The following RORB variants were observed in gnomAD, a reference collection of about 807,000 sequenced individuals.
RORB encodes nuclear receptor ROR-beta.
A neutral mutation model predicts 59.1 loss-of-function variants in RORB; 6 were observed. The observed-to-expected ratio is 0.10, with a 90% CI of 0.06 to 0.20. RORB has a LOEUF of 0.20. Ranked by LOEUF, RORB falls within the 10% of genes least tolerant of loss-of-function variation. The probability of loss-of-function intolerance (pLI) is 1.00; values close to 1 mark genes in which losing one functional copy is unlikely to be tolerated. For synonymous variants in RORB, 215 were observed against 204.5 expected, an observed-to-expected ratio of 1.05 and a Z score of -0.44; for missense variants, 320 against 560.5, an observed-to-expected ratio of 0.57 and a Z score of 4.33.
chr9:74,607,958 C>A (rs939069691), intron 1 of RORB, among the ~76,000 whole-genome samples: 1 of 152,082 alleles, frequency 6.6e-6, no homozygotes, highest in African/African-American at 2.4e-5. Context: ...CAGGAGAATG[C>A]GACAGGGGTA....
At chr9:74,567,540 G>C (rs576386465) in intron 1 of RORB, among the ~76,000 whole-genome samples, 1 of 152,256 alleles carries the variant, frequency 6.6e-6, no homozygotes, top group South Asian at 2.1e-4. Flanking sequence ...CAATGTCACA[G>C]CTCTCAGAAA....
rs1218379241 is a variant in RORB at position 74,498,218 on chromosome 9, G to C, written c.7+235G>C. ...GCGGGAGGGCGCTTTTTTGGAGAGGGGAGACAGGCTAGTTGGTTCTTACCA... is the reference window on the plus strand; with the variant it reads ...GCGGGAGGGCGCTTTTTTGGAGAGGCGAGACAGGCTAGTTGGTTCTTACCA... On this transcript the variant is annotated intron_variant, in intron 1 of 9. Transcript: ENST00000376896. 9 of 597,890 alleles carry C rather than the reference G, an allele frequency of 1.5e-5. No individual in the cohort carries two copies. The East Asian group carries it at 2.2e-4, about 15-fold the overall frequency. 37.0% of individuals were successfully genotyped at this position (597,890 alleles called of 1,614,324 possible).
rs1257016115 is a variant in RORB at position 74,687,279 on chromosome 9, G to C, written c.*1661G>C. On this transcript the variant is annotated 3_prime_UTR_variant, in exon 10 of 10. Coordinates refer to ENST00000376896, the MANE Select transcript of RORB (RefSeq NM_006914.4). ...CCCAGCCACCAACTCCTAAAGAACT[G>C]CCCTTTTCTCCATATTAAACACACA... 2 of 151,780 alleles carry C rather than the reference G, an allele frequency of 1.3e-5. No homozygotes were observed. Among genetic ancestry groups the C allele is most frequent in the South Asian group, 4.2e-4 (2 of 4,806 alleles). 9.4% of individuals were successfully genotyped at this position (151,780 alleles called of 1,614,324 possible).
chr9:74,546,299 T>C (rs17684564), intron 1 of RORB, among the ~76,000 whole-genome samples: 89 of 152,236 alleles, frequency 5.8e-4, no homozygotes, highest in Non-Finnish European at 8.7e-4. Context: ...GAAGTCATCA[T>C]TGAAATTGCT....
At chr9:74,636,031 G>C (rs1823696748) in intron 3 of RORB, among the ~76,000 whole-genome samples, 2 of 147,832 alleles carry the variant, frequency 1.4e-5, no homozygotes, top group Admixed American at 1.4e-4. Context: ...CAGAGACGAG[G>C]TTTCCAAAAT....
intron 4 of RORB, among the ~76,000 whole-genome samples, chr9:74,651,006 G>A (rs896372646): frequency 1.3e-5 from 2 of 152,080 alleles, no homozygotes; most frequent in Non-Finnish European, 2.9e-5. Flanking sequence ...TCCTAGTGAT[G>A]GCCCTGAGCA....
intron 1 of RORB, among the ~76,000 whole-genome samples, chr9:74,611,162 T>C (rs1048281293): frequency 6.6e-6 from 1 of 152,084 alleles, no homozygotes; most frequent in Non-Finnish European, 1.5e-5. Context: ...TACTGTGAGA[T>C]GGGGTCAAGG....
intron 3 of RORB, among the ~76,000 whole-genome samples, chr9:74,639,524 AAC>A (rs1823760178): frequency 1.3e-5 from 2 of 152,316 alleles, no homozygotes; most frequent in Non-Finnish European, 1.5e-5. Context: ...AAAAAAAAAA[AAC>A]ACAAATTTAT....
intron 1 of RORB, among the ~76,000 whole-genome samples, chr9:74,610,384 T>G (rs73650014): frequency 0.016 from 2,469 of 152,204 alleles, 80 homozygotes; most frequent in African/African-American, 0.057. Context: ...ATAACAGAGA[T>G]TTTTAAAGTA....
At chr9:74,583,073 G>A (rs1266824382) in intron 1 of RORB, among the ~76,000 whole-genome samples, 1 of 152,068 alleles carries the variant, frequency 6.6e-6, no homozygotes, top group African/African-American at 2.4e-5. Flanking sequence ...GTACACAAGT[G>A]GAAGGTTGGG....
At chr9:74,680,294 A>G (rs760386898) in intron 9 of RORB, among the ~76,000 whole-genome samples, 2 of 152,224 alleles carry the variant, frequency 1.3e-5, no homozygotes, top group African/African-American at 2.4e-5. Context: ...CGAATTCTTC[A>G]TCTTACACAC....
At chr9:74,566,218 C>T (rs933800093) in intron 1 of RORB, among the ~76,000 whole-genome samples, 9 of 152,000 alleles carry the variant, frequency 5.9e-5, no homozygotes, top group African/African-American at 2.2e-4. Flanking sequence ...CCATTATTGC[C>T]TTTCATCAAA....
intron 1 of RORB, chr9:74,498,214 G>A (rs1825741160): frequency 1.7e-6 from 1 of 600,664 alleles, no homozygotes; most frequent in Non-Finnish European, 3.0e-6. Flanking sequence ...CTTTTTTGGA[G>A]AGGGGAGACA....
intron 1 of RORB, among the ~76,000 whole-genome samples, chr9:74,564,424 C>G (rs1370174690): frequency 6.6e-6 from 1 of 152,178 alleles, no homozygotes; most frequent in Non-Finnish European, 1.5e-5. Context: ...AAACCATTTT[C>G]TAGTGTAGTT....
chr9:74,566,490 C>A (rs1822469926), intron 1 of RORB, among the ~76,000 whole-genome samples: 1 of 152,136 alleles, frequency 6.6e-6, no homozygotes, highest in African/African-American at 2.4e-5. Context: ...TCCAAATCTT[C>A]ATCTTTTATA....
chr9:74,541,630 A>G (rs1204520965), intron 1 of RORB, among the ~76,000 whole-genome samples: 2 of 152,186 alleles, frequency 1.3e-5, no homozygotes, highest in Non-Finnish European at 2.9e-5. Flanking sequence ...TATAATGTTG[A>G]TGTGTGTTTA....
At chr9:74,678,916 C>T (rs1401121345) in intron 9 of RORB, among the ~76,000 whole-genome samples, 1 of 151,844 alleles carries the variant, frequency 6.6e-6, no homozygotes, top group Non-Finnish European at 1.5e-5. Flanking sequence ...CCTGTAATCC[C>T]AGCTACTCAG....
intron 1 of RORB, among the ~76,000 whole-genome samples, chr9:74,604,628 T>C (rs1353568751): frequency 6.6e-6 from 1 of 152,214 alleles, no homozygotes; most frequent in Admixed American, 6.5e-5. Context: ...GATCACCCAA[T>C]TATTATTTGT....
At chr9:74,664,055 T>C (rs1477974853) in intron 6 of RORB, among the ~76,000 whole-genome samples, 1 of 152,074 alleles carries the variant, frequency 6.6e-6, no homozygotes. Context: ...AGAAAACATA[T>C]GGGATGGAAG....
Sources: gnomAD v4.1 joint callset for allele counts (sites outside exome capture counted in the v4.1 genomes callset) on GRCh38, gnomAD v4.1.1 for gene constraint, MANE v1.5 for transcripts, NCBI Gene and HGNC (gene_info 2026-07-23, HGNC 2026-07-21) for gene names.